Variants in TMEFF2 observed in about 807,000 individuals in gnomAD.
The protein encoded by TMEFF2 is transmembrane protein with EGF like and two follistatin like domains 2, also known as tomoregulin-2.
TMEFF2 carries 28 observed loss-of-function variants against 53.8 expected under a neutral mutation model. That is an observed-to-expected ratio of 0.52 (90% CI 0.39 to 0.71). The LOEUF (loss-of-function observed/expected upper bound fraction) is 0.71. Among genes scored for constraint, TMEFF2 ranks in the 30% least tolerant of loss-of-function variants. TMEFF2 has a pLI of 0.00. For synonymous variants in TMEFF2, 162 were observed against 166.3 expected (o/e 0.97, Z 0.20); for missense variants, 353 against 455.2 (o/e 0.78, Z 2.04).
intron 4 of TMEFF2, among the ~76,000 whole-genome samples, chr2:192,127,844 A>G (rs928899172): frequency 1.3e-5 from 2 of 152,190 alleles, no homozygotes; most frequent in African/African-American, 4.8e-5. Flanking sequence ...CTACGTAAGA[A>G]ATGTTCTATC....
chr2:192,169,684 C>T (rs1381693919), intron 4 of TMEFF2, among the ~76,000 whole-genome samples: 1 of 151,988 alleles, frequency 6.6e-6, no homozygotes, highest in Non-Finnish European at 1.5e-5. Context: ...TGAGAGATAC[C>T]TAAGGGCTGA....
At chr2:192,033,258 C>A (rs1209237274) in intron 5 of TMEFF2, among the ~76,000 whole-genome samples, 1 of 152,150 alleles carries the variant, frequency 6.6e-6, no homozygotes, top group African/African-American at 2.4e-5. Context: ...GGCAAAGATA[C>A]TTTTGAGATA....
intron 2 of TMEFF2, among the ~76,000 whole-genome samples, chr2:192,188,210 C>T (rs1192494835): frequency 3.9e-5 from 6 of 152,056 alleles, no homozygotes; most frequent in Admixed American, 1.3e-4. Context: ...ATTTTAAGAG[C>T]GGACAGGCCT....
chr2:192,122,195 A>G (rs1689572629), intron 4 of TMEFF2, among the ~76,000 whole-genome samples: 1 of 152,174 alleles, frequency 6.6e-6, no homozygotes, highest in African/African-American at 2.4e-5. Context: ...AAAAAACTCA[A>G]TGGAAAAAAT....
At chr2:192,122,855 T>G (rs1024473094) in intron 4 of TMEFF2, among the ~76,000 whole-genome samples, 1 of 151,992 alleles carries the variant, frequency 6.6e-6, no homozygotes, top group African/African-American at 2.4e-5. Context: ...CAGAAAAACA[T>G]AACAGAATAG....
intron 5 of TMEFF2, among the ~76,000 whole-genome samples, chr2:192,009,691 A>T (rs1686581562): frequency 6.6e-6 from 1 of 152,100 alleles, no homozygotes; most frequent in Non-Finnish European, 1.5e-5. Flanking sequence ...TAATAGAAAT[A>T]TTTATAGGAG....
At chr2:191,981,190 A>G (rs894035955) in intron 7 of TMEFF2, among the ~76,000 whole-genome samples, 3 of 152,174 alleles carry the variant, frequency 2.0e-5, no homozygotes, top group African/African-American at 7.2e-5. Context: ...ACTTAATTGA[A>G]GCAACAAACT....
At chr2:192,093,960 C>T (rs1210824371) in intron 4 of TMEFF2, among the ~76,000 whole-genome samples, 1 of 152,106 alleles carries the variant, frequency 6.6e-6, no homozygotes, top group African/African-American at 2.4e-5. Flanking sequence ...CACATGGATC[C>T]ATGTTGCTAT....
intron 7 of TMEFF2, among the ~76,000 whole-genome samples, chr2:191,997,290 GT>G (rs1686246684): frequency 6.6e-6 from 1 of 151,782 alleles, no homozygotes; most frequent in Non-Finnish European, 1.5e-5. Context: ...AAATATAAAT[GT>G]TTAAAATATC....
At chr2:192,061,492 A>T (rs1188918310) in intron 4 of TMEFF2, among the ~76,000 whole-genome samples, 1 of 152,184 alleles carries the variant, frequency 6.6e-6, no homozygotes, top group Non-Finnish European at 1.5e-5. Context: ...ATATGTGAGG[A>T]TGTGCATAGG....
Position 192,006,117 on chromosome 2 carries a change from G to A in TMEFF2, c.537-6909C>T, listed in dbSNP as rs1361129940. On this transcript the variant is annotated intron_variant, in intron 5 of 9. Transcript: ENST00000272771. ...ATCCTTTTAGTTTTGAAATCTAGGAGGAATGAATAATGCCCTTCTCCAGAA... is the reference window on the plus strand; with the variant it reads ...ATCCTTTTAGTTTTGAAATCTAGGAAGAATGAATAATGCCCTTCTCCAGAA... Among the ~76,000 whole-genome samples the A allele has an allele frequency of 2.0e-5, 3 of 151,070 alleles. 1 individual carries two copies. In the East Asian group the frequency reaches 5.8e-4, roughly 29 times the overall value.
At chr2:192,114,647 T>C (rs6720997) in intron 4 of TMEFF2, among the ~76,000 whole-genome samples, 65,312 of 151,704 alleles carry the variant, frequency 0.43, 14,933 homozygotes, top group Non-Finnish European at 0.52. Context: ...TACACTCTAA[T>C]GATGAATAAG....
intron 7 of TMEFF2, among the ~76,000 whole-genome samples, chr2:191,967,757 A>G (rs1232831363): frequency 6.6e-6 from 1 of 151,980 alleles, no homozygotes; most frequent in African/African-American, 2.4e-5. Flanking sequence ...TCCCAGGTCT[A>G]TCTTAGCTCC....
chr2:192,152,456 A>G (rs942490031), intron 4 of TMEFF2, among the ~76,000 whole-genome samples: 2 of 151,724 alleles, frequency 1.3e-5, no homozygotes, highest in African/African-American at 4.9e-5. Flanking sequence ...ATTATATGAT[A>G]TAATAGGGTC....
rs1172898080 is a variant in TMEFF2 at position 192,116,196 on chromosome 2, G to A, written c.440-58421C>T. 4.6e-5 allele frequency among the ~76,000 whole-genome samples: 7 copies of A among 152,068 alleles called. No homozygotes were observed. In the East Asian group the frequency reaches 1.4e-3, roughly 29 times the overall value. On this transcript the variant is annotated intron_variant, in intron 4 of 9. Coordinates refer to ENST00000272771, the MANE Select transcript of TMEFF2 (RefSeq NM_016192.4). The stretch of plus-strand genomic sequence containing the variant: ...TCTTGCCATTTGCAACAATATGGAT[G>A]AACCTTGAGACAATTATGCCTAGTG...
At chr2:192,109,120 G>A (rs114941987) in intron 4 of TMEFF2, among the ~76,000 whole-genome samples, 84 of 152,118 alleles carry the variant, frequency 5.5e-4, no homozygotes, top group Non-Finnish European at 1.0e-3. Context: ...TACTGTGTAC[G>A]TAATTAATGC....
chr2:192,030,916 G>A (rs1687116772), intron 5 of TMEFF2, among the ~76,000 whole-genome samples: 3 of 152,136 alleles, frequency 2.0e-5, no homozygotes, highest in African/African-American at 7.2e-5. Context: ...AATACTGCAG[G>A]TTGGGCGGGG....
At chr2:192,114,759 C>T (rs372423189) in intron 4 of TMEFF2, among the ~76,000 whole-genome samples, 9 of 151,800 alleles carry the variant, frequency 5.9e-5, no homozygotes, top group African/African-American at 2.2e-4. Context: ...ACACATAAAA[C>T]ATGGATAAAA....
intron 4 of TMEFF2, among the ~76,000 whole-genome samples, chr2:192,130,938 G>GTT (rs1290836228): frequency 6.6e-6 from 1 of 151,836 alleles, no homozygotes; most frequent in Non-Finnish European, 1.5e-5. Context: ...TTCCCTTGGT[G>GTT]TTTAATCATT....
Sources: allele counts gnomAD v4.1 joint callset (sites outside exome capture counted in the v4.1 genomes callset), GRCh38; gene constraint gnomAD v4.1.1; transcripts MANE v1.5; gene names NCBI Gene and HGNC (gene_info 2026-07-23, HGNC 2026-07-21).